EFNA5: variants seen among roughly 807,000 people sequenced by gnomAD.
EFNA5 encodes the protein ephrin-A5.
EFNA5 carries 5 observed loss-of-function variants against 22.9 expected under a neutral mutation model. That is an observed-to-expected ratio of 0.22 (90% CI 0.11 to 0.46). EFNA5 has a LOEUF of 0.46. Ranked by LOEUF, EFNA5 falls within the 20% of genes least tolerant of loss-of-function variation. The pLI, the probability that EFNA5 is intolerant of heterozygous loss-of-function variation, is 0.99. For synonymous variants in EFNA5, 113 were observed against 112.2 expected (o/e 1.01, Z -0.04); for missense variants, 237 against 293.3 (o/e 0.81, Z 1.40).
intron 1 of EFNA5, among the ~76,000 whole-genome samples, chr5:107,592,616 A>C (rs569497102): frequency 7.9e-5 from 12 of 152,192 alleles, no homozygotes; most frequent in Non-Finnish European, 1.6e-4. Flanking sequence ...CATGCAGGTT[A>C]GGGGAGCACC....
chr5:107,504,658 T>C (rs994031664), intron 1 of EFNA5, among the ~76,000 whole-genome samples: 2 of 152,190 alleles, frequency 1.3e-5, no homozygotes, highest in African/African-American at 4.8e-5. Flanking sequence ...TCTGCCCATC[T>C]GTAAAATCAG....
At chr5:107,510,603 G>A (rs866106279) in intron 1 of EFNA5, among the ~76,000 whole-genome samples, 1 of 152,164 alleles carries the variant, frequency 6.6e-6, no homozygotes, top group South Asian at 2.1e-4. Context: ...GTGGTTACCA[G>A]GAAGTCTTAA....
At chr5:107,446,687 G>C (rs556247422) in intron 1 of EFNA5, among the ~76,000 whole-genome samples, 1 of 152,268 alleles carries the variant, frequency 6.6e-6, no homozygotes, top group Admixed American at 6.5e-5. Flanking sequence ...CCAGGAGGCA[G>C]AGGTTGCAGT....
intron 1 of EFNA5, among the ~76,000 whole-genome samples, chr5:107,444,071 A>G (rs1749331593): frequency 6.6e-6 from 1 of 152,102 alleles, no homozygotes; most frequent in Non-Finnish European, 1.5e-5. Flanking sequence ...ATGTGGACAC[A>G]GCATGCTGAG....
chr5:107,588,868 C>T (rs990244201), intron 1 of EFNA5, among the ~76,000 whole-genome samples: 7 of 152,260 alleles, frequency 4.6e-5, no homozygotes, highest in South Asian at 4.1e-4. Flanking sequence ...ACATCAATTA[C>T]GTCTAGTAAT....
intron 2 of EFNA5, among the ~76,000 whole-genome samples, chr5:107,398,767 A>AG (rs1747998904): frequency 6.7e-6 from 1 of 149,832 alleles, no homozygotes; most frequent in South Asian, 2.2e-4. Flanking sequence ...AGGCAGGAGA[A>AG]TGGCTTGAGC....
chr5:107,498,099 A>G (rs1747033337), intron 1 of EFNA5, among the ~76,000 whole-genome samples: 2 of 152,076 alleles, frequency 1.3e-5, no homozygotes, highest in African/African-American at 4.8e-5. Flanking sequence ...TATTTTTAGT[A>G]GAGACGGGGT....
intron 1 of EFNA5, among the ~76,000 whole-genome samples, chr5:107,591,917 T>TATA (rs1749347189): frequency 1.5e-4 from 1 of 6,630 alleles, no homozygotes; most frequent in African/African-American, 1.6e-3. Context: ...ATATAAAAAA[T>TATA]ATATATATAA....
intron 1 of EFNA5, among the ~76,000 whole-genome samples, chr5:107,587,265 T>C (rs1749208501): frequency 6.6e-6 from 1 of 152,158 alleles, no homozygotes; most frequent in African/African-American, 2.4e-5. Flanking sequence ...TCCTCCTTCT[T>C]ATCCTAGAGA....
At chr5:107,633,114 G>T (rs1750294194) in intron 1 of EFNA5, among the ~76,000 whole-genome samples, 1 of 151,956 alleles carries the variant, frequency 6.6e-6, no homozygotes. Flanking sequence ...TTTTTAAAAT[G>T]CATTCTGCTT....
intron 2 of EFNA5, among the ~76,000 whole-genome samples, chr5:107,405,684 C>A (rs1748190109): frequency 6.6e-6 from 1 of 151,934 alleles, no homozygotes; most frequent in African/African-American, 2.4e-5. Flanking sequence ...CCAGAGTGAT[C>A]CTGGTGGAAA....
At chr5:107,670,410 G>A (rs1023400556) in intron 1 of EFNA5, 79 bp downstream of exon 1, 137 of 1,464,844 alleles carry the variant, frequency 9.4e-5, no homozygotes, top group Non-Finnish European at 1.2e-4. Flanking sequence ...CGGTTGGTGC[G>A]CGCCGATCCC....
At chr5:107,407,745 G>A (rs974754267) in intron 2 of EFNA5, among the ~76,000 whole-genome samples, 9 of 152,112 alleles carry the variant, frequency 5.9e-5, no homozygotes, top group African/African-American at 9.7e-5. Flanking sequence ...TAGAGTGCAC[G>A]CAAAATCAAT....
In EFNA5 at chr5:107,379,469, T is replaced by A. The variant is rs1157707105; in HGVS notation, c.*1786A>T. 1 of 151,810 alleles carries A rather than the reference T, an allele frequency of 6.6e-6. No individual in the cohort carries two copies. Among genetic ancestry groups the A allele is most frequent in the Non-Finnish European group, 1.5e-5 (1 of 67,978 alleles). 9.4% of individuals were successfully genotyped at this position (151,810 alleles called of 1,614,324 possible). A position where few individuals can be genotyped will look rare whatever the true frequency, so the allele number is the denominator to read the frequency against. ...TCTTATTTTGCTGGAATGCTTTCAA[T>A]TTTTCACATTTTACATGATCATCAC... On this transcript the variant is annotated 3_prime_UTR_variant, in exon 5 of 5. Coordinates refer to ENST00000333274, the MANE Select transcript of EFNA5 (RefSeq NM_001962.3).
At chr5:107,547,178 T>G (rs1211908298) in intron 1 of EFNA5, among the ~76,000 whole-genome samples, 2 of 152,214 alleles carry the variant, frequency 1.3e-5, no homozygotes, top group African/African-American at 4.8e-5. Flanking sequence ...CACTGTACCA[T>G]TGGCCTGTCT....
At chr5:107,464,284 C>T (rs918355865) in intron 1 of EFNA5, among the ~76,000 whole-genome samples, 1 of 152,050 alleles carries the variant, frequency 6.6e-6, no homozygotes, top group African/African-American at 2.4e-5. Context: ...TCAGAATATC[C>T]CTCCAATCTT....
chr5:107,593,152 G>C (rs996368503), intron 1 of EFNA5, among the ~76,000 whole-genome samples: 3 of 152,172 alleles, frequency 2.0e-5, no homozygotes, highest in Non-Finnish European at 4.4e-5. Context: ...ACAGCTCTGA[G>C]AGCAGCTGAG....
chr5:107,391,119 A>T (rs577519957), intron 2 of EFNA5, among the ~76,000 whole-genome samples: 1 of 152,332 alleles, frequency 6.6e-6, no homozygotes, highest in Non-Finnish European at 1.5e-5. Context: ...AGACTGAGCT[A>T]CTGTACTCCA....
chr5:107,501,495 G>GGTA (rs1160957), intron 1 of EFNA5, among the ~76,000 whole-genome samples: 92,411 of 151,688 alleles, frequency 0.61, 29,380 homozygotes, highest in African/African-American at 0.79. Context: ...TAATCAGTTT[G>GGTA]GCAATAAACC....
Sources: allele counts gnomAD v4.1 joint callset (sites outside exome capture counted in the v4.1 genomes callset), GRCh38; gene constraint gnomAD v4.1.1; transcripts MANE v1.5; gene names NCBI Gene and HGNC (gene_info 2026-07-23, HGNC 2026-07-21).